Variants in PRRC2C observed in about 807,000 individuals in gnomAD.
PRRC2C encodes protein PRRC2C.
A neutral mutation model predicts 317.2 loss-of-function variants in PRRC2C; 72 were observed. That is an observed-to-expected ratio of 0.23 (90% CI 0.19 to 0.28). PRRC2C has a LOEUF of 0.28. Ranked by LOEUF, PRRC2C falls within the 10% of genes least tolerant of loss-of-function variation. PRRC2C has a pLI of 1.00. For synonymous variants in PRRC2C, 1,296 were observed against 1,205.9 expected, an observed-to-expected ratio of 1.07 and a Z score of -1.55; for missense variants, 3,074 against 3,459.7, an observed-to-expected ratio of 0.89 and a Z score of 2.80.
At chr1:171,552,338 T>C (rs1447255835) in intron 18 of PRRC2C, among the ~76,000 whole-genome samples, 2 of 152,190 alleles carry the variant, frequency 1.3e-5, no homozygotes, top group East Asian at 1.9e-4. Flanking sequence ...GCTGAAGTTG[T>C]TTATCAGCTT....
chr1:171,538,149 T>C (rs982949038), intron 15 of PRRC2C, among the ~76,000 whole-genome samples: 2 of 152,146 alleles, frequency 1.3e-5, no homozygotes, highest in Non-Finnish European at 2.9e-5. Context: ...ATAATCTTTG[T>C]ATTTTTTATA....
intron 12 of PRRC2C, 80 bp from the exon 13 acceptor site, chr1:171,535,348 T>C: frequency 7.9e-7 from 1 of 1,264,970 alleles, no homozygotes; most frequent in South Asian, 1.6e-5. Flanking sequence ...ACTTTTATTA[T>C]ACCTCAGTCT....
At chr1:171,506,376 C>G (rs896435127) in intron 1 of PRRC2C, among the ~76,000 whole-genome samples, 6 of 152,138 alleles carry the variant, frequency 3.9e-5, no homozygotes, top group Non-Finnish European at 8.8e-5. Context: ...AAGATTTTCT[C>G]TTTATCATTG....
chr1:171,527,996 A>G (rs1056989926), intron 11 of PRRC2C, among the ~76,000 whole-genome samples, 152 bp downstream of exon 11: 2 of 151,882 alleles, frequency 1.3e-5, no homozygotes, highest in Non-Finnish European at 2.9e-5. Context: ...CATCCTTTTC[A>G]TTTTCATTCT....
At chr1:171,547,464 A>G (rs1304024284) in intron 17 of PRRC2C, among the ~76,000 whole-genome samples, 1 of 152,176 alleles carries the variant, frequency 6.6e-6, no homozygotes, top group African/African-American at 2.4e-5. Context: ...AGTCTGAAGT[A>G]ATGTGTGCAT....
chr1:171,575,900 CTTTG>C (rs954760773), intron 25 of PRRC2C, among the ~76,000 whole-genome samples: 6 of 152,164 alleles, frequency 3.9e-5, no homozygotes, highest in African/African-American at 1.2e-4. Context: ...ATATAAATTA[CTTTG>C]TTTGACTGGT....
In PRRC2C at chr1:171,571,347, C is replaced by G. The variant is rs749749081; in HGVS notation, c.6679C>G (p.Pro2227Ala). ...NVPLPNTLPL[P>A]KRETIQQSSS... ...GCCCCTGCCCAACACCCTTCCCCTC[C>G]CTAAGAGGGAGACTATACAACAGAG... Residue 2227 changes from proline to alanine, a missense_variant, in exon 24 of 35, where the codon CCT (proline) becomes GCT (alanine). Physicochemically the swap from Pro to Ala is conservative, Grantham distance 27. Coordinates refer to ENST00000647382, the MANE Select transcript of PRRC2C (RefSeq NM_001387844.1). 15 of 1,612,054 alleles carry G rather than the reference C, an allele frequency of 9.3e-6. No homozygotes were observed. Among genetic ancestry groups the G allele is most frequent in the East Asian group, 8.9e-5 (4 of 44,856 alleles).
intron 11 of PRRC2C, among the ~76,000 whole-genome samples, chr1:171,530,433 A>G (rs1481905632): frequency 7.3e-5 from 11 of 151,610 alleles, no homozygotes; most frequent in African/African-American, 2.4e-4. Context: ...TTTTGTAGAG[A>G]TGGGGTTTCG....
intron 17 of PRRC2C, among the ~76,000 whole-genome samples, chr1:171,547,210 T>C (rs900406455): frequency 9.2e-5 from 14 of 152,236 alleles, no homozygotes; most frequent in Non-Finnish European, 1.8e-4. Context: ...AAGTTATCTT[T>C]AAGAGTTAGT....
At position 171,583,960 on chromosome 1, in the gene PRRC2C, C is replaced by G; in HGVS notation, c.7414C>G (p.Gln2472Glu). The part of the protein sequence containing the change: ...FSSSLQPYRS[Q>E]PAFMQSSLSQ... ...TTCTCTTTAATCCTTATGTAGATCT[C>G]AGCCAGCTTTTATGCAAAGCAGTTT... The change falls in exon 29 of 35, where the codon CAG becomes GAG. Residue 2472 changes from glutamine (Q) to glutamate (E), a missense_variant. Gln to Glu is a conservative substitution (Grantham distance 29). Coordinates refer to ENST00000647382, the MANE Select transcript of PRRC2C (RefSeq NM_001387844.1). 6.2e-7 allele frequency: 1 copy of G among 1,612,270 alleles called. No individual in the cohort carries two copies. Among genetic ancestry groups the G allele is most frequent in the Non-Finnish European group, 8.5e-7 (1 of 1,178,452 alleles).
At chr1:171,494,111 A>G (rs953955646) in intron 1 of PRRC2C, among the ~76,000 whole-genome samples, 1 of 152,262 alleles carries the variant, frequency 6.6e-6, no homozygotes, top group African/African-American at 2.4e-5. Context: ...CAATTTTAAA[A>G]TACATAAGTT....
At chr1:171,546,870 G>C (rs551184668) in intron 17 of PRRC2C, among the ~76,000 whole-genome samples, 183 of 151,648 alleles carry the variant, frequency 1.2e-3, no homozygotes, top group African/African-American at 3.2e-3. Flanking sequence ...CACCCACCTT[G>C]GCCTCCCAAA....
chr1:171,514,492 A>T, intron 3 of PRRC2C, 44 bp from the exon 4 acceptor site: 1 of 1,400,996 alleles, frequency 7.1e-7, no homozygotes, highest in Non-Finnish European at 9.8e-7. Flanking sequence ...GATTTTATTT[A>T]AACATACAGT....
chr1:171,572,999 T>C (rs943929991), intron 24 of PRRC2C, among the ~76,000 whole-genome samples: 5 of 152,198 alleles, frequency 3.3e-5, no homozygotes, highest in Non-Finnish European at 5.9e-5. Context: ...AAATTCTTAC[T>C]TATTATCAGT....
Position 171,536,019 on chromosome 1 carries a change from A to G in PRRC2C, c.2044-10A>G. On this transcript the variant is annotated splice_polypyrimidine_tract_variant and intron_variant, in intron 13 of 34. Transcript: ENST00000647382. ...CTAAACTCTCAAGATATGGGATCTTACTTTTTCAGGAACAGATGAAACAGC... is the reference window on the plus strand; with the variant it reads ...CTAAACTCTCAAGATATGGGATCTTGCTTTTTCAGGAACAGATGAAACAGC... 3.2e-6 allele frequency: 5 copies of G among 1,552,096 alleles called. No homozygotes were observed. Among genetic ancestry groups the G allele is most frequent in the Non-Finnish European group, 4.4e-6 (5 of 1,147,040 alleles).
rs1335557793 is a variant in PRRC2C at position 171,591,613 on chromosome 1, G to T, written c.8463G>T (p.Gln2821His). 3 of 1,613,890 alleles carry T rather than the reference G, an allele frequency of 1.9e-6. No individual in the cohort carries two copies. The highest frequency in any genetic ancestry group is 3.3e-5 in the Admixed American group (2 of 60,006). Residue 2821 changes from glutamine to histidine, a missense_variant, in exon 35 of 35, where the codon CAG becomes CAT. By Grantham distance (24) the Gln-to-His change is conservative. Coordinates refer to ENST00000647382, the MANE Select transcript of PRRC2C (RefSeq NM_001387844.1). ...CAAAGCAGAGAGCAGAGGTTCTTCA[G>T]TCCACGCAACGGTTCTTCTCTGAAC... ...MKAKQRAEVL[Q>H]STQRFFSEQQ...
intron 24 of PRRC2C, 85 bp from the exon 25 acceptor site, chr1:171,574,842 C>T: frequency 8.2e-7 from 1 of 1,220,008 alleles, no homozygotes; most frequent in Non-Finnish European, 1.2e-6. Context: ...TTATATTTGG[C>T]ACTTAAATAC....
intron 25 of PRRC2C, among the ~76,000 whole-genome samples, chr1:171,576,629 A>G (rs368146148): frequency 5.3e-5 from 8 of 152,152 alleles, no homozygotes; most frequent in East Asian, 1.9e-4. Flanking sequence ...AGGTATTACT[A>G]TATACCAGGT....
Position 171,587,186 on chromosome 1 carries a change from G to A in PRRC2C, c.7933G>A (p.Gly2645Arg). ...SQPFRGLIPA[G>R]TQHSMIATTG... is the part of the protein sequence containing the mutation. ...GCCTTTCAGAGGATTAATTCCTGCT[G>A]GAACACAGCATAGCATGATTGCAAC... is the stretch of plus-strand genomic sequence containing the variant. The change falls in exon 31 of 35, where the codon GGA becomes AGA. Residue 2645 changes from glycine (G) to arginine (R), a missense_variant. Transcript: ENST00000647382. 6.2e-7 allele frequency: 1 copy of A among 1,607,930 alleles called. No individual in the cohort carries two copies. Among genetic ancestry groups the A allele is most frequent in the Admixed American group, 1.7e-5 (1 of 59,198 alleles).
Sources: gnomAD v4.1 joint callset for allele counts (sites outside exome capture counted in the v4.1 genomes callset) on GRCh38, gnomAD v4.1.1 for gene constraint, MANE v1.5 for transcripts, NCBI Gene and HGNC (gene_info 2026-07-23, HGNC 2026-07-21) for gene names.